SFPQ: variants seen among roughly 807,000 people sequenced by gnomAD.
SFPQ encodes splicing factor, proline- and glutamine-rich.
In SFPQ, 11 loss-of-function variants were observed where a neutral mutation model predicts 72.9. That is an observed-to-expected ratio of 0.15 (90% CI 0.09 to 0.25). The LOEUF is 0.25. Ranked by LOEUF, SFPQ falls within the 10% of genes least tolerant of loss-of-function variation. The pLI, the probability that SFPQ is intolerant of heterozygous loss-of-function variation, is 1.00. For synonymous variants in SFPQ, 506 were observed against 367.3 expected, an observed-to-expected ratio of 1.38 and a Z score of -4.32; for missense variants, 847 against 993.3, an observed-to-expected ratio of 0.85 and a Z score of 1.98.
Position 35,192,399 on chromosome 1 carries a change from C to G in SFPQ, c.651G>C (p.Lys217Asn). 2.1e-6 allele frequency: 3 copies of G among 1,420,744 alleles called. No homozygotes were observed. The highest frequency in any genetic ancestry group is 2.7e-6 in the Non-Finnish European group (3 of 1,095,538). The allele number at this position is 1,420,744 out of a possible 1,614,324, so 88.0% of individuals were successfully genotyped here. ...TACTTAGGCCCGGGCCGCCACCTGG[C>G]TTCGGCCCGCCAGGCATTTTGCCGC... ...PKGGKMPGGPKPGGGPGLSTP... is the reference protein window; with the variant it reads ...PKGGKMPGGPNPGGGPGLSTP... The change falls in exon 1 of 10, where the codon AAG (lysine) becomes AAC (asparagine). Residue 217 changes from lysine to asparagine, a missense_variant. By Grantham distance (94) the Lys-to-Asn change is moderately conservative. Coordinates refer to ENST00000357214, the MANE Select transcript of SFPQ (RefSeq NM_005066.3).
At chr1:35,182,744 CA>C, downstream of SFPQ, 1 of 985,392 alleles carries the variant, frequency 1.0e-6, no homozygotes, top group Non-Finnish European at 1.2e-6. Context: ...GAACGTAACT[CA>C]GAACAAAGCC....
chr1:35,176,873 CAAA>C lies in SFPQ; in HGVS notation c.*106-405_*106-403del, dbSNP rs10604866. 5.1e-3 allele frequency among the ~76,000 whole-genome samples: 470 copies of C among 91,620 alleles called. 2 individuals carry two copies. Among genetic ancestry groups the C allele is most frequent in the African/African-American group, 0.013 (388 of 30,452 alleles). 60.1% of individuals were successfully genotyped at this position (91,620 alleles called of 152,430 possible). On this transcript the variant is annotated intron_variant and NMD_transcript_variant, in intron 5 of 5. Coordinates refer to the SFPQ transcript ENST00000460428. ...TGGGCGACAGAGCAAGACTCCGTCT[CAAA>C]AAAAAAAAAAAAAATCTTTTAATGA...
downstream of SFPQ, chr1:35,181,531 G>C: frequency 9.4e-7 from 1 of 1,062,814 alleles, no homozygotes. Flanking sequence ...GAGGATTATG[G>C]TTTCACTAAC....
Position 35,192,361 on chromosome 1 carries a change from TGGCCGCCAGGCGTACTTAGGCCCG to T in SFPQ, c.665_688del (p.Pro222_Gly229del). On this transcript the variant is annotated inframe_deletion, in exon 1 of 10. Transcript: ENST00000357214. ...GCCGCCTCGATGCGGCGGCTTGGGGTGGCCGCCAGGCGTACTTAGGCCCGGGCCGCCACCTGGCTTCGGCCCGCC... is the reference window on the plus strand; with the variant it reads ...GCCGCCTCGATGCGGCGGCTTGGGGTGGCCGCCACCTGGCTTCGGCCCGCC... The T allele has an allele frequency of 5.8e-6, 8 of 1,387,172 alleles. No homozygotes were observed. Among genetic ancestry groups the T allele is most frequent in the Non-Finnish European group, 7.4e-6 (8 of 1,083,710 alleles). The allele number at this position is 1,387,172 out of a possible 1,614,324, so 85.9% of individuals were successfully genotyped here.
At chr1:35,180,124 A>T, downstream of SFPQ, 8 of 1,048,682 alleles carry the variant, frequency 7.6e-6, no homozygotes, top group Non-Finnish European at 9.2e-6. Flanking sequence ...ACAGAAGAAA[A>T]GTCTCATAGT....
downstream of SFPQ, chr1:35,181,774 G>T (rs1247817361): frequency 2.0e-6 from 2 of 985,026 alleles, no homozygotes; most frequent in East Asian, 1.1e-4. Context: ...GTTTCAGATC[G>T]ACTTTTAGGA....
At position 35,183,942 on chromosome 1, in the gene SFPQ, C is replaced by T. The variant is rs1283651931; in HGVS notation, c.*514G>A. On this transcript the variant is annotated 3_prime_UTR_variant, in exon 10 of 10. Coordinates refer to ENST00000357214, the MANE Select transcript of SFPQ (RefSeq NM_005066.3). The stretch of plus-strand genomic sequence containing the variant: ...CAAATCATCAAACTACTTCAATATG[C>T]ATTTCTTCTTTTTAAAACAAAGGGG... The T allele has an allele frequency of 9.5e-7, 1 of 1,050,816 alleles. No individual in the cohort carries two copies. Among genetic ancestry groups the T allele is most frequent in the Admixed American group, 5.5e-5 (1 of 18,204 alleles). 65.1% of individuals were successfully genotyped at this position (1,050,816 alleles called of 1,614,324 possible). A position where few individuals can be genotyped will look rare whatever the true frequency, so the allele number is the denominator to read the frequency against.
At chr1:35,187,328 A>C in intron 7 of SFPQ, 77 bp from the exon 8 acceptor site, 1 of 1,302,390 alleles carries the variant, frequency 7.7e-7, no homozygotes, top group Non-Finnish European at 1.1e-6. Flanking sequence ...GAAATTTTCA[A>C]GAGTTAAATA....
chr1:35,182,552 G>C (rs1570112458), downstream of SFPQ: 1 of 985,394 alleles, frequency 1.0e-6, no homozygotes, highest in Non-Finnish European at 1.2e-6. Flanking sequence ...TTCCTATGCA[G>C]AAAGTGCTCA....
downstream of SFPQ, chr1:35,178,244 A>T (rs1327492010): frequency 1.8e-6 from 2 of 1,096,716 alleles, no homozygotes; most frequent in Non-Finnish European, 2.2e-6. Context: ...CCTGAATTAG[A>T]ATGAAAACTG....
downstream of SFPQ, chr1:35,181,648 T>TCTTAAA: frequency 9.4e-7 from 1 of 1,060,664 alleles, no homozygotes; most frequent in Non-Finnish European, 1.1e-6. Flanking sequence ...CCAGTGTTCC[T>TCTTAAA]CTTAAAACAA....
downstream of SFPQ, chr1:35,178,861 T>A: frequency 1.9e-6 from 2 of 1,046,770 alleles, no homozygotes; most frequent in Non-Finnish European, 2.3e-6. Context: ...TGTCCTATCT[T>A]AAGTCCAAGC....
chr1:35,181,545 A>G, downstream of SFPQ: 1 of 1,062,750 alleles, frequency 9.4e-7, no homozygotes, highest in Non-Finnish European at 1.1e-6. Context: ...CACTAACATG[A>G]GCCAATGGGC....
chr1:35,184,153 T>TAAA lies in SFPQ; in HGVS notation c.*300_*302dup, dbSNP rs796763714. The TAAA allele has an allele frequency of 6.6e-6, 6 of 906,956 alleles. No individual in the cohort carries two copies. Among genetic ancestry groups the TAAA allele is most frequent in the African/African-American group, 1.9e-5 (1 of 51,812 alleles). 56.2% of individuals were successfully genotyped at this position (906,956 alleles called of 1,614,324 possible). ...ATTTTTCTATTTATTTGAAGCACAG[T>TAAA]AAAAAAAAAAAAATTGGTACACTTT... On this transcript the variant is annotated 3_prime_UTR_variant, in exon 10 of 10. Coordinates refer to ENST00000357214, the MANE Select transcript of SFPQ (RefSeq NM_005066.3).
chr1:35,192,786 C>T lies in SFPQ; in HGVS notation c.264G>A (p.Pro88=), dbSNP rs1403406662. The part of the protein sequence containing the change: ...PPQQPPPHQP[P]PHPQPHQQQQ... Reference sequence around the variant, plus strand: ...GCTGCTGATGCGGCTGTGGATGCGGCGGCGGCTGATGCGGTGGCGGCTGCT... The same window carrying T: ...GCTGCTGATGCGGCTGTGGATGCGGTGGCGGCTGATGCGGTGGCGGCTGCT... Residue 88 remains proline (P), a synonymous_variant, in exon 1 of 10, where the codon CCG becomes CCA. Coordinates refer to ENST00000357214, the MANE Select transcript of SFPQ (RefSeq NM_005066.3). 1 of 1,498,862 alleles carries T rather than the reference C, an allele frequency of 6.7e-7. No individual in the cohort carries two copies. Among genetic ancestry groups the T allele is most frequent in the South Asian group, 1.2e-5 (1 of 80,082 alleles). 92.8% of individuals were successfully genotyped at this position (1,498,862 alleles called of 1,614,324 possible).
downstream of SFPQ, chr1:35,179,180 A>AAG: frequency 9.4e-7 from 1 of 1,060,592 alleles, no homozygotes; most frequent in Non-Finnish European, 1.1e-6. Flanking sequence ...CAAAATCATT[A>AAG]AGTGAAAGGC....
In SFPQ at chr1:35,193,138, A is replaced by C. The variant is rs1244387350; in HGVS notation, c.-89T>G. 3 of 1,475,784 alleles carry C rather than the reference A, an allele frequency of 2.0e-6. No individual in the cohort carries two copies. Among genetic ancestry groups the C allele is most frequent in the African/African-American group, 1.5e-5 (1 of 68,438 alleles). The allele number at this position is 1,475,784 out of a possible 1,614,324, so 91.4% of individuals were successfully genotyped here. A position where few individuals can be genotyped will look rare whatever the true frequency, so the allele number is the denominator to read the frequency against. On this transcript the variant is annotated 5_prime_UTR_variant, in exon 1 of 10. Coordinates refer to ENST00000357214, the MANE Select transcript of SFPQ (RefSeq NM_005066.3). The stretch of plus-strand genomic sequence containing the variant: ...CTTGCTTCTCACAAAATGGCGGATG[A>C]CACAGGCGGCGCGCCGCCTTTGTCC...
chr1:35,186,557 C>T (rs1424310327), intron 9 of SFPQ, among the ~76,000 whole-genome samples: 3 of 152,200 alleles, frequency 2.0e-5, no homozygotes, highest in Non-Finnish European at 4.4e-5. Flanking sequence ...AAGTCCTACA[C>T]ATCACTAAAA....
downstream of SFPQ, chr1:35,179,561 T>C (rs540240979): frequency 2.0e-5 from 21 of 1,052,514 alleles, 1 homozygote; most frequent in African/African-American, 3.3e-4. Context: ...AATTCCCAGC[T>C]TTTTGAGTTT....
Sources: gnomAD v4.1 joint callset for allele counts (sites outside exome capture counted in the v4.1 genomes callset) on GRCh38, gnomAD v4.1.1 for gene constraint, MANE v1.5 for transcripts, NCBI Gene and HGNC (gene_info 2026-07-23, HGNC 2026-07-21) for gene names.